TENM4: variants seen among roughly 807,000 people sequenced by gnomAD.
TENM4 encodes the protein teneurin-4.
In TENM4, 82 loss-of-function variants were observed where a neutral mutation model predicts 243.3. The ratio of observed to expected loss-of-function variants is 0.34; its 90% CI spans 0.28 to 0.40. TENM4 has a LOEUF of 0.40. Among genes scored for constraint, TENM4 ranks in the 10% least tolerant of loss-of-function variants. The pLI, the probability that TENM4 is intolerant of heterozygous loss-of-function variation, is 1.00. For missense variants in TENM4, 3,138 were observed against 3,673.3 expected, an observed-to-expected ratio of 0.85 and a Z score of 3.77; for synonymous variants, 1,412 against 1,456.3, an observed-to-expected ratio of 0.97 and a Z score of 0.69.
intron 6 of TENM4, among the ~76,000 whole-genome samples, chr11:79,047,263 C>T (rs1030918156): frequency 6.6e-6 from 1 of 152,198 alleles, no homozygotes; most frequent in African/African-American, 2.4e-5. Context: ...GGACCTCTGA[C>T]AGGGATGACG....
chr11:79,196,599 T>C (rs1198729083), intron 3 of TENM4, among the ~76,000 whole-genome samples: 4 of 152,176 alleles, frequency 2.6e-5, no homozygotes, highest in African/African-American at 7.2e-5. Flanking sequence ...TTGCCATTCC[T>C]ATCATGGACA....
chr11:78,951,228 C>T (rs1182147269), intron 6 of TENM4, among the ~76,000 whole-genome samples: 1 of 152,242 alleles, frequency 6.6e-6, no homozygotes, highest in Non-Finnish European at 1.5e-5. Context: ...TCATGTGTGC[C>T]CAATGCACAT....
At chr11:79,306,232 A>G (rs1856624039) in intron 1 of TENM4, among the ~76,000 whole-genome samples, 1 of 152,234 alleles carries the variant, frequency 6.6e-6, no homozygotes, top group South Asian at 2.1e-4. Flanking sequence ...TAAAAGAGAC[A>G]CAGCTGTTCT....
intron 19 of TENM4, among the ~76,000 whole-genome samples, chr11:78,755,395 C>T (rs1397641766): frequency 6.6e-6 from 1 of 152,066 alleles, no homozygotes; most frequent in Admixed American, 6.5e-5. Flanking sequence ...TCTCGAACTC[C>T]CGGGCTCAAG....
At chr11:79,270,775 C>T (rs1565277294) in intron 2 of TENM4, among the ~76,000 whole-genome samples, 1 of 152,200 alleles carries the variant, frequency 6.6e-6, no homozygotes, top group Non-Finnish European at 1.5e-5. Flanking sequence ...CCTCAGGCTG[C>T]CTCTCTGTGT....
chr11:78,902,338 A>C (rs1855947229), intron 7 of TENM4, among the ~76,000 whole-genome samples: 1 of 152,196 alleles, frequency 6.6e-6, no homozygotes, highest in Non-Finnish European at 1.5e-5. Context: ...ATTTTGGAAA[A>C]ACAGTGTGTA....
intron 1 of TENM4, among the ~76,000 whole-genome samples, chr11:79,378,855 C>A (rs1429103806): frequency 2.0e-5 from 3 of 148,122 alleles, no homozygotes; most frequent in Non-Finnish European, 4.4e-5. Context: ...TGCACTCCAG[C>A]CTGGGTGACA....
chr11:79,285,759 A>C (rs1472532013), intron 2 of TENM4, among the ~76,000 whole-genome samples: 1 of 152,054 alleles, frequency 6.6e-6, no homozygotes, highest in Non-Finnish European at 1.5e-5. Context: ...AAAAAACCAA[A>C]AAAAAAACAG....
At chr11:79,237,650 C>T (rs1439802552) in intron 2 of TENM4, among the ~76,000 whole-genome samples, 2 of 152,110 alleles carry the variant, frequency 1.3e-5, no homozygotes, top group Non-Finnish European at 2.9e-5. Flanking sequence ...GCACTCCAGC[C>T]TGGGCAACAG....
At chr11:79,115,436 A>G (rs917538099) in intron 4 of TENM4, among the ~76,000 whole-genome samples, 1 of 152,150 alleles carries the variant, frequency 6.6e-6, no homozygotes, top group Non-Finnish European at 1.5e-5. Context: ...TCCCACTACC[A>G]TGGACTAGCT....
intron 2 of TENM4, among the ~76,000 whole-genome samples, chr11:79,244,055 T>C (rs1855471897): frequency 1.3e-5 from 2 of 152,160 alleles, no homozygotes; most frequent in African/African-American, 4.8e-5. Flanking sequence ...CTACGATCAG[T>C]GGTTCTTAAA....
intron 6 of TENM4, among the ~76,000 whole-genome samples, chr11:78,932,110 C>T (rs74735077): frequency 0.038 from 5,792 of 152,252 alleles, 138 homozygotes; most frequent in Non-Finnish European, 0.057. Flanking sequence ...TAAATGTTAG[C>T]CATTGTTGTC....
chr11:78,755,009 T>C (rs1856274343), intron 19 of TENM4, among the ~76,000 whole-genome samples: 1 of 152,238 alleles, frequency 6.6e-6, no homozygotes, highest in Non-Finnish European at 1.5e-5. Flanking sequence ...CAGACCTGCA[T>C]GTCTGCATCC....
At chr11:79,189,207 C>G (rs902403222) in intron 3 of TENM4, among the ~76,000 whole-genome samples, 1 of 152,078 alleles carries the variant, frequency 6.6e-6, no homozygotes. Flanking sequence ...TTTCAATTCC[C>G]ACATTCATAA....
chr11:78,743,628 G>A (rs1855981015), intron 19 of TENM4, among the ~76,000 whole-genome samples: 1 of 152,066 alleles, frequency 6.6e-6, no homozygotes, highest in Non-Finnish European at 1.5e-5. Context: ...TCAAGGCTTG[G>A]GTACCTTCCC....
chr11:78,918,028 C>G (rs1042155493), intron 6 of TENM4, among the ~76,000 whole-genome samples: 4 of 152,114 alleles, frequency 2.6e-5, no homozygotes, highest in Non-Finnish European at 4.4e-5. Flanking sequence ...AACTGAGGCT[C>G]GGGGAGAGAA....
rs951366935 is a variant in TENM4 at position 79,104,429 on chromosome 11, C to T, written c.-65-34420G>A. Among the ~76,000 whole-genome samples, 19 of 152,314 alleles carry T rather than the reference C, an allele frequency of 1.2e-4. No individual in the cohort carries two copies. In the East Asian group the frequency reaches 2.3e-3, roughly 19 times the overall value. ...GCATCTACGTATGCTCATACGATCA[C>T]GTTTTTAACATTAGAGATGTGACCT... On this transcript the variant is annotated intron_variant, in intron 4 of 33. Coordinates refer to ENST00000278550, the MANE Select transcript of TENM4 (RefSeq NM_001098816.3).
At chr11:78,916,016 T>C (rs1308759958) in intron 6 of TENM4, among the ~76,000 whole-genome samples, 1 of 152,210 alleles carries the variant, frequency 6.6e-6, no homozygotes, top group Non-Finnish European at 1.5e-5. Context: ...GGATCAAATC[T>C]CACCTGCCCT....
At position 79,305,646 on chromosome 11, in the gene TENM4, A is replaced by G. The variant is rs1171982820; in HGVS notation, c.-320-8103T>C. Among the ~76,000 whole-genome samples, 3 of 152,238 alleles carry G rather than the reference A, an allele frequency of 2.0e-5. No homozygotes were observed. The East Asian group carries it at 5.8e-4, about 29-fold the overall frequency. On this transcript the variant is annotated intron_variant, in intron 1 of 33. Transcript: ENST00000278550. ...CCTCTGACCGAGCACAGGGACTACA[A>G]AGGGCTCAGGGGCCAGCTTCTAGCA...
Sources: gnomAD v4.1 joint callset for allele counts (sites outside exome capture counted in the v4.1 genomes callset) on GRCh38, gnomAD v4.1.1 for gene constraint, MANE v1.5 for transcripts, NCBI Gene and HGNC (gene_info 2026-07-23, HGNC 2026-07-21) for gene names.